DACH2: variants seen among roughly 807,000 people sequenced by gnomAD.
The protein encoded by DACH2 is dachshund homolog 2.
Under a neutral mutation model 35.8 loss-of-function variants are expected in DACH2, and 17 were observed. The observed-to-expected ratio is 0.48, with a 90% CI of 0.33 to 0.71. The LOEUF (loss-of-function observed/expected upper bound fraction) is 0.71, where lower values mean the gene tolerates loss of function less well. Ranked by LOEUF, DACH2 falls within the 30% of genes least tolerant of loss-of-function variation. DACH2 has a pLI of 0.02. For missense variants in DACH2, 469 were observed against 472.7 expected (o/e 0.99, Z 0.07); for synonymous variants, 195 against 177.3 (o/e 1.10, Z -0.79).
intron 2 of DACH2, among the ~76,000 whole-genome samples, chrX:86,395,993 C>G (rs1412356601): frequency 4.5e-5 from 5 of 111,818 alleles, no homozygotes; most frequent in African/African-American, 1.6e-4. Context: ...AACTAGTTTA[C>G]AGTCCCACCA....
chrX:86,594,091 G>A (rs1368192563), intron 3 of DACH2, among the ~76,000 whole-genome samples: 1 of 111,475 alleles, frequency 9.0e-6, no homozygotes, highest in African/African-American at 3.2e-5. Context: ...ACTCTTTCAA[G>A]GAATTGGTCT....
chrX:86,429,573 T>TCTTTTCTTTTC (rs3072236), intron 2 of DACH2, among the ~76,000 whole-genome samples: 1 of 106,001 alleles, frequency 9.4e-6, no homozygotes, highest in African/African-American at 3.6e-5. Context: ...TCTTTTCTTT[T>TCTTTTCTTTTC]TTTTCTTGAG....
At chrX:86,465,003 T>G (rs2037641415) in intron 2 of DACH2, among the ~76,000 whole-genome samples, 1 of 112,490 alleles carries the variant, frequency 8.9e-6, no homozygotes, top group South Asian at 3.6e-4. Flanking sequence ...GTGACTTTTC[T>G]TTCTGCTTTT....
rs1324085807 is a variant in DACH2, at chrX:86,812,864, C to T, written c.1249C>T (p.Pro417Ser). Residue 417 changes from proline to serine, a missense_variant, in exon 8 of 12, where the codon CCA (proline) becomes TCA (serine). Around this residue, in one of 3 missense-constraint regions of DACH2, gnomAD observed 363 missense variants for 334.4 expected, o/e 1.09. Transcript: ENST00000373125. ...TAATTTTGTTTTTGCAGAAGAGGTA[C>T]CAGTTCAAATTCCAATAATGAAGTC... ...DHHLERMEEV[P>S]VQIPIMKSPL... 8.4e-7 allele frequency: 1 copy of T among 1,190,928 alleles called. No homozygotes were observed. The highest frequency in any genetic ancestry group is 2.4e-5 in the Admixed American group (1 of 42,492).
intron 5 of DACH2, among the ~76,000 whole-genome samples, chrX:86,701,411 A>C (rs1395984150): frequency 9.0e-6 from 1 of 111,689 alleles, no homozygotes; most frequent in Non-Finnish European, 1.9e-5. Context: ...ATCACACTGA[A>C]CTGGCAAAAG....
chrX:86,250,801 G>C (rs1403529243), intron 1 of DACH2, among the ~76,000 whole-genome samples: 1 of 111,266 alleles, frequency 9.0e-6, no homozygotes, highest in Non-Finnish European at 1.9e-5. Context: ...TTTAACACCA[G>C]ATAAAGAATT....
At chrX:86,769,160 A>G (rs900713745) in intron 7 of DACH2, among the ~76,000 whole-genome samples, 6 of 111,723 alleles carry the variant, frequency 5.4e-5, no homozygotes, top group African/African-American at 2.0e-4. Flanking sequence ...AAAGGGACAT[A>G]TCTCAAAAAA....
At chrX:86,822,425 T>C (rs919554944) in intron 11 of DACH2, among the ~76,000 whole-genome samples, 1 of 111,938 alleles carries the variant, frequency 8.9e-6, no homozygotes, top group African/African-American at 3.2e-5. Flanking sequence ...TAATATCCTC[T>C]AGGAGGATTA....
chrX:86,179,782 C>T (rs2031416492), intron 1 of DACH2, among the ~76,000 whole-genome samples: 1 of 110,951 alleles, frequency 9.0e-6, no homozygotes, highest in South Asian at 3.7e-4. Context: ...AATGAGATTG[C>T]ACCTTGATTG....
At chrX:86,387,331 ATATAT>A (rs1338834616) in intron 2 of DACH2, among the ~76,000 whole-genome samples, 2 of 111,637 alleles carry the variant, frequency 1.8e-5, no homozygotes, top group Non-Finnish European at 3.8e-5. Context: ...CTATAGGAAA[ATATAT>A]TATATAGAAG....
intron 2 of DACH2, among the ~76,000 whole-genome samples, chrX:86,449,806 A>G (rs761507216): frequency 2.7e-5 from 3 of 111,577 alleles, no homozygotes; most frequent in Non-Finnish European, 5.7e-5. Flanking sequence ...TGAATCTTTG[A>G]CATCATAATT....
At chrX:86,592,600 C>A (rs2039661366) in intron 3 of DACH2, among the ~76,000 whole-genome samples, 1 of 112,106 alleles carries the variant, frequency 8.9e-6, no homozygotes, top group Admixed American at 9.5e-5. Flanking sequence ...TGAATGTATA[C>A]ATCAAGTTAT....
chrX:86,640,686 G>A (rs1277709851), intron 3 of DACH2, among the ~76,000 whole-genome samples: 2 of 111,097 alleles, frequency 1.8e-5, no homozygotes, highest in Admixed American at 9.6e-5. Flanking sequence ...ACTCAAGGGG[G>A]AGAGGAAGCC....
At chrX:86,381,432 T>C (rs950793309) in intron 2 of DACH2, among the ~76,000 whole-genome samples, 1 of 110,916 alleles carries the variant, frequency 9.0e-6, no homozygotes. Context: ...AAAGATACTA[T>C]TTTAAATTTG....
chrX:86,268,225 G>A (rs763866370), intron 1 of DACH2, among the ~76,000 whole-genome samples: 22 of 111,907 alleles, frequency 2.0e-4, no homozygotes, highest in African/African-American at 7.1e-4. Context: ...GAAAAAATAA[G>A]AGACTCAAAT....
intron 1 of DACH2, among the ~76,000 whole-genome samples, chrX:86,354,934 G>C (rs963846796): frequency 9.0e-6 from 1 of 111,053 alleles, no homozygotes; most frequent in African/African-American, 3.3e-5. Context: ...TTTATTTTAT[G>C]TTTAGAGGGT....
chrX:86,503,534 A>G (rs2038280801), intron 2 of DACH2, among the ~76,000 whole-genome samples: 1 of 112,298 alleles, frequency 8.9e-6, no homozygotes, highest in African/African-American at 3.2e-5. Flanking sequence ...TATTCAAATT[A>G]TCATTAGTAG....
At chrX:86,795,424 G>A (rs980284599) in intron 7 of DACH2, among the ~76,000 whole-genome samples, 1 of 109,250 alleles carries the variant, frequency 9.2e-6, no homozygotes, top group African/African-American at 3.3e-5. Flanking sequence ...TAGTAGAAAC[G>A]GGGTTTCACC....
chrX:86,196,040 T>C (rs2031973167), intron 1 of DACH2, among the ~76,000 whole-genome samples: 1 of 111,718 alleles, frequency 9.0e-6, no homozygotes, highest in Admixed American at 9.5e-5. Context: ...CCTTCTTTCC[T>C]CCAAATGACC....
Sources: gnomAD v4.1 joint callset for allele counts (sites outside exome capture counted in the v4.1 genomes callset) on GRCh38, gnomAD v4.1.1 for gene constraint, gnomAD v4.1.1 regional missense constraint, MANE v1.5 for transcripts, NCBI Gene and HGNC (gene_info 2026-07-23, HGNC 2026-07-21) for gene names.